Variants in IL1RAPL1 observed in about 807,000 individuals in gnomAD.
The protein encoded by IL1RAPL1 is interleukin-1 receptor accessory protein-like 1.
In IL1RAPL1, 3 loss-of-function variants were observed where a neutral mutation model predicts 48.4. The ratio of observed to expected loss-of-function variants is 0.06; its 90% CI spans 0.03 to 0.16. IL1RAPL1 has a LOEUF of 0.16. Ranked by LOEUF, IL1RAPL1 falls within the 10% of genes least tolerant of loss-of-function variation. The pLI is 1.00. For synonymous variants in IL1RAPL1, 185 were observed against 187.7 expected (o/e 0.99, Z 0.12); for missense variants, 349 against 530.6 (o/e 0.66, Z 3.36).
intron 2 of IL1RAPL1, among the ~76,000 whole-genome samples, chrX:28,925,496 G>A (rs946602594): frequency 9.8e-5 from 11 of 111,704 alleles, no homozygotes; most frequent in South Asian, 3.7e-4. Context: ...AATTTACTAT[G>A]TGAATATTGC....
chrX:28,964,955 A>G (rs1318094258), intron 2 of IL1RAPL1, among the ~76,000 whole-genome samples: 1 of 111,491 alleles, frequency 9.0e-6, no homozygotes, highest in African/African-American at 3.3e-5. Context: ...AGTTCTCACT[A>G]AAGATAACTT....
intron 5 of IL1RAPL1, among the ~76,000 whole-genome samples, chrX:29,414,284 C>T (rs189402466): frequency 1.1e-4 from 12 of 111,487 alleles, no homozygotes; most frequent in Non-Finnish European, 1.9e-4. Context: ...GATGGTAGCA[C>T]AACATTTTGA....
rs368255589 is a variant in IL1RAPL1 at position 29,884,710 on chromosome X, C to G, written c.779-32754C>G. Reference sequence around the variant, plus strand: ...ACTCCAAACTCCATATGTTCAAAATCGAGTTCCTGATCTTTTCCTGCGGAC... The same window carrying G: ...ACTCCAAACTCCATATGTTCAAAATGGAGTTCCTGATCTTTTCCTGCGGAC... On this transcript the variant is annotated intron_variant, in intron 6 of 10. Transcript: ENST00000378993. Among the ~76,000 whole-genome samples the G allele has an allele frequency of 2.7e-5, 3 of 111,573 alleles. No individual in the cohort carries two copies. In the East Asian group the frequency reaches 8.4e-4, roughly 31 times the overall value.
At chrX:28,781,219 G>T (rs1936419918) in intron 1 of IL1RAPL1, among the ~76,000 whole-genome samples, 4 of 110,406 alleles carry the variant, frequency 3.6e-5, no homozygotes, top group Admixed American at 9.7e-5. Flanking sequence ...TGTCATCTGG[G>T]TCTTAGGTCT....
At chrX:29,307,881 A>C (rs1413176813) in intron 3 of IL1RAPL1, among the ~76,000 whole-genome samples, 1 of 112,382 alleles carries the variant, frequency 8.9e-6, no homozygotes, top group East Asian at 2.8e-4. Context: ...TCAAGTAACT[A>C]GGTTATTGCA....
intron 5 of IL1RAPL1, among the ~76,000 whole-genome samples, chrX:29,634,690 C>T (rs180923275): frequency 9.0e-6 from 1 of 111,492 alleles, no homozygotes; most frequent in African/African-American, 3.3e-5. Flanking sequence ...TGATCTCATA[C>T]CCTGGAGTTC....
chrX:28,830,086 G>T (rs1304229204), intron 2 of IL1RAPL1, among the ~76,000 whole-genome samples: 1 of 111,447 alleles, frequency 9.0e-6, no homozygotes, highest in Non-Finnish European at 1.9e-5. Context: ...AGGGATATTG[G>T]TCAGTAGTTT....
At chrX:29,639,723 G>T (rs781406386) in intron 5 of IL1RAPL1, among the ~76,000 whole-genome samples, 2 of 110,329 alleles carry the variant, frequency 1.8e-5, no homozygotes, top group Non-Finnish European at 3.8e-5. Flanking sequence ...TTCATTTTAC[G>T]TCCACAATAC....
intron 1 of IL1RAPL1, among the ~76,000 whole-genome samples, chrX:28,594,327 C>T (rs1004671176): frequency 1.8e-5 from 2 of 111,553 alleles, no homozygotes; most frequent in Non-Finnish European, 3.8e-5. Flanking sequence ...TATTCCCATT[C>T]GAGTTTTAGG....
chrX:29,803,382 C>T (rs188091283), intron 6 of IL1RAPL1, among the ~76,000 whole-genome samples: 4,434 of 76,889 alleles, frequency 0.058, 495 homozygotes, highest in East Asian at 0.26. Flanking sequence ...TATATGTATA[C>T]ATGTATACAC....
At chrX:29,366,649 A>G (rs1933462983) in intron 3 of IL1RAPL1, among the ~76,000 whole-genome samples, 1 of 93,267 alleles carries the variant, frequency 1.1e-5, no homozygotes, top group Non-Finnish European at 2.0e-5. Flanking sequence ...GCTCACTGCA[A>G]GCTCTGCCTC....
chrX:29,407,803 A>T (rs1159921929), intron 5 of IL1RAPL1, among the ~76,000 whole-genome samples: 1 of 112,361 alleles, frequency 8.9e-6, no homozygotes, highest in Middle Eastern at 4.2e-3. Context: ...AGGTGCCAAA[A>T]TAAGTGGAAA....
chrX:29,074,278 C>A (rs1327653104), intron 2 of IL1RAPL1, among the ~76,000 whole-genome samples: 2 of 111,414 alleles, frequency 1.8e-5, no homozygotes, highest in African/African-American at 6.5e-5. Context: ...AGTTTCTGGG[C>A]TCTGGAGGTT....
chrX:29,573,707 C>T (rs890273183), intron 5 of IL1RAPL1, among the ~76,000 whole-genome samples: 1 of 112,246 alleles, frequency 8.9e-6, no homozygotes, highest in South Asian at 3.7e-4. Flanking sequence ...GGTAGATCCT[C>T]GTAAAAGTTA....
chrX:29,428,664 A>G (rs1410700804), intron 5 of IL1RAPL1, among the ~76,000 whole-genome samples: 1 of 112,044 alleles, frequency 8.9e-6, no homozygotes, highest in East Asian at 2.8e-4. Context: ...CAAATTATTC[A>G]ATCCTAGACC....
Position 29,437,469 on chromosome X carries a change from A to T in IL1RAPL1, c.703+38161A>T, listed in dbSNP as rs182534788. Reference sequence around the variant, plus strand: ...TTGAATAAGAGTAGTGAGAACAGACATTTTTTTGTCTTATTCCTGATTTTA... The same window carrying T: ...TTGAATAAGAGTAGTGAGAACAGACTTTTTTTTGTCTTATTCCTGATTTTA... On this transcript the variant is annotated intron_variant, in intron 5 of 10. Transcript: ENST00000378993. 2.6e-4 allele frequency among the ~76,000 whole-genome samples: 29 copies of T among 110,668 alleles called. No homozygotes were observed. The Admixed American group carries it at 2.7e-3, about 10-fold the overall frequency.
intron 1 of IL1RAPL1, among the ~76,000 whole-genome samples, chrX:28,771,122 GA>G (rs1386572296): frequency 9.0e-6 from 1 of 111,638 alleles, no homozygotes; most frequent in Non-Finnish European, 1.9e-5. Flanking sequence ...TCAAGCCCAA[GA>G]CTTAGGACAC....
At chrX:28,874,792 G>T (rs752688095) in intron 2 of IL1RAPL1, among the ~76,000 whole-genome samples, 20 of 112,189 alleles carry the variant, frequency 1.8e-4, no homozygotes, top group Non-Finnish European at 3.4e-4. Context: ...CAGTAAATAG[G>T]AATCTGCTGG....
chrX:28,628,144 G>T (rs1934361494), intron 1 of IL1RAPL1, among the ~76,000 whole-genome samples: 2 of 111,311 alleles, frequency 1.8e-5, no homozygotes, highest in South Asian at 7.6e-4. Context: ...CAGCAGGTCA[G>T]CCTGGGTTTG....
Sources: allele counts gnomAD v4.1 joint callset (sites outside exome capture counted in the v4.1 genomes callset), GRCh38; gene constraint gnomAD v4.1.1; transcripts MANE v1.5; gene names NCBI Gene and HGNC (gene_info 2026-07-23, HGNC 2026-07-21).